The following NRG4 variants were observed in gnomAD, a reference collection of about 807,000 sequenced individuals.
NRG4 encodes neuregulin 4, also known as pro-neuregulin-4, membrane-bound isoform.
Under a neutral mutation model 15.0 loss-of-function variants are expected in NRG4, and 10 were observed. The observed-to-expected ratio is 0.67, with a 90% CI of 0.41 to 1.13. The LOEUF (loss-of-function observed/expected upper bound fraction) is 1.13, where lower values mean the gene tolerates loss of function less well. NRG4 is among the 50% of genes most tolerant of loss of function. The pLI is 0.00. For missense variants in NRG4, 139 were observed against 140.2 expected (o/e 0.99, Z 0.04); for synonymous variants, 41 against 50.1 (o/e 0.82, Z 0.77).
At chr15:75,964,482 G>C (rs1226338501) in intron 3 of NRG4, among the ~76,000 whole-genome samples, 1 of 152,078 alleles carries the variant, frequency 6.6e-6, no homozygotes, top group African/African-American at 2.4e-5. Context: ...GTTAAAGATA[G>C]GGTTCAGTTT....
At chr15:75,959,190 G>A (rs9672952) in intron 4 of NRG4, 15,197 of 341,968 alleles carry the variant, frequency 0.044, 467 homozygotes, top group African/African-American at 0.097. Flanking sequence ...GTCTTGCTAT[G>A]TTGTCCAGGC....
At chr15:76,025,426 G>A (rs767332841) in intron 5 of NRG4, among the ~76,000 whole-genome samples, 4 of 151,960 alleles carry the variant, frequency 2.6e-5, no homozygotes, top group South Asian at 2.1e-4. Context: ...GTGACAGAGC[G>A]AGACTCTGTC....
At position 75,977,776 on chromosome 15, in the gene NRG4, T is replaced by C. The variant is rs2033432869; in HGVS notation, c.105-15802A>G. ...TCCTATTTGGCCATCTTATCACTTC[T>C]TTCTTTTGGGAACATTCCCAATCTT... On this transcript the variant is annotated intron_variant, in intron 3 of 5. Coordinates refer to ENST00000394907, the MANE Select transcript of NRG4 (RefSeq NM_138573.4). The surrounding 1 kb of genome is among the most constrained non-coding windows in gnomAD (Gnocchi z 4.9). 6.6e-6 allele frequency among the ~76,000 whole-genome samples: 1 copy of C among 152,176 alleles called. No homozygotes were observed. Among genetic ancestry groups the C allele is most frequent in the Non-Finnish European group, 1.5e-5 (1 of 68,024 alleles).
Position 76,025,180 on chromosome 15 carries a change from C to A in NRG4, c.-57+10764G>T, listed in dbSNP as rs542403023. 2.6e-5 allele frequency among the ~76,000 whole-genome samples: 4 copies of A among 151,900 alleles called. No individual in the cohort carries two copies. In the South Asian group the frequency reaches 6.2e-4, roughly 24 times the overall value. On this transcript the variant is annotated intron_variant, in intron 5 of 8. Coordinates refer to the NRG4 transcript ENST00000563910. ...AGGGGCTGGGCGTGGTGGCTCACAC[C>A]TGTAATCCCAGCACTTTGGGAGGCT... is the stretch of plus-strand genomic sequence containing the variant.
intron 3 of NRG4, among the ~76,000 whole-genome samples, chr15:76,008,894 T>C (rs1435792574): frequency 6.6e-6 from 1 of 152,176 alleles, no homozygotes; most frequent in Non-Finnish European, 1.5e-5. Flanking sequence ...ATATTAAGCA[T>C]AGACTGCCTT....
At chr15:76,031,430 A>C (rs2035468856) in intron 5 of NRG4, among the ~76,000 whole-genome samples, 1 of 152,190 alleles carries the variant, frequency 6.6e-6, no homozygotes, top group Non-Finnish European at 1.5e-5. Context: ...GCTCATGCCT[A>C]TAATCCCAGC....
At chr15:75,937,166 A>C (rs996669210), downstream of NRG4, 3 of 151,518 alleles carry the variant, frequency 2.0e-5, no homozygotes, top group African/African-American at 7.3e-5. Context: ...ATCAGCAAAA[A>C]TGGGTGGACT....
intron 4 of NRG4, among the ~76,000 whole-genome samples, chr15:76,048,686 A>G (rs566152958): frequency 4.0e-5 from 6 of 150,690 alleles, no homozygotes; most frequent in Admixed American, 2.0e-4. Context: ...TGCCTCTCAT[A>G]CATACCTGGG....
chr15:75,991,381 A>G (rs1172912133), intron 3 of NRG4, among the ~76,000 whole-genome samples: 4 of 152,192 alleles, frequency 2.6e-5, no homozygotes, highest in African/African-American at 9.7e-5. Context: ...TAAAACTACT[A>G]CTAACATCAT....
At chr15:76,060,211 C>T (rs937447731), upstream of NRG4, among the ~76,000 whole-genome samples, 10 of 152,104 alleles carry the variant, frequency 6.6e-5, no homozygotes, top group Admixed American at 1.3e-4. Context: ...CCCAGGGCTT[C>T]AGCTCCAGCC....
intron 2 of NRG4, among the ~76,000 whole-genome samples, chr15:76,056,425 T>G (rs1357647080): frequency 6.6e-6 from 1 of 151,890 alleles, no homozygotes; most frequent in African/African-American, 2.4e-5. Flanking sequence ...GCCATTGCAC[T>G]CCAGCCTGGA....
chr15:75,947,435 C>T, intron 5 of NRG4, among the ~76,000 whole-genome samples: 1 of 152,202 alleles, frequency 6.6e-6, no homozygotes, highest in East Asian at 1.9e-4. Context: ...CCTGAATCCT[C>T]TCTCAGGGTG....
intron 3 of NRG4, among the ~76,000 whole-genome samples, chr15:75,994,074 C>T (rs1358670902): frequency 6.6e-6 from 1 of 152,102 alleles, no homozygotes; most frequent in African/African-American, 2.4e-5. Flanking sequence ...GAATTCTAAC[C>T]CAGACCTTAC....
Position 75,961,952 on chromosome 15 carries a change from C to A in NRG4, c.127G>T (p.Ala43Ser). Residue 43 changes from alanine to serine, a missense_variant, in exon 4 of 6, where the codon GCT becomes TCT. By Grantham distance (99) the Ala-to-Ser change is moderately conservative. Transcript: ENST00000394907. ...GGGAGAAAAACCTCTTCACAACGAG[C>A]TCCTGTATAGTTTTCAACGCACCTA... ...FCRCVENYTGARCEEVFLPGS... is the reference protein window; with the variant it reads ...FCRCVENYTGSRCEEVFLPGS... 3 of 1,613,334 alleles carry A rather than the reference C, an allele frequency of 1.9e-6. No homozygotes were observed. The highest frequency in any genetic ancestry group is 2.5e-6 in the Non-Finnish European group (3 of 1,179,430).
upstream of NRG4, among the ~76,000 whole-genome samples, chr15:76,013,800 CAT>C (rs1008667315): frequency 1.3e-5 from 2 of 152,282 alleles, no homozygotes; most frequent in East Asian, 1.9e-4. Flanking sequence ...CCGCAATAAA[CAT>C]ATGTGTGCAT....
intron 5 of NRG4, among the ~76,000 whole-genome samples, chr15:76,033,792 C>T (rs1307329486): frequency 5.3e-5 from 8 of 152,206 alleles, no homozygotes; most frequent in Non-Finnish European, 1.0e-4. Context: ...GGGGTTACCC[C>T]AGCCCTGTCT....
chr15:75,944,853 A>C (rs1401201736), intron 5 of NRG4, among the ~76,000 whole-genome samples: 4 of 152,140 alleles, frequency 2.6e-5, no homozygotes, highest in African/African-American at 9.7e-5. Context: ...CAAATGAACT[A>C]ATTTTGTCAG....
rs887375849 is a variant in NRG4 at position 75,943,361 on chromosome 15, G to C, written c.*277C>G. Reference sequence around the variant, plus strand: ...GGTGTGTGAACATTTGCCTCTGGTTGCTTCAGCACATCAGCTTTCTGGGGA... The same window carrying C: ...GGTGTGTGAACATTTGCCTCTGGTTCCTTCAGCACATCAGCTTTCTGGGGA... On this transcript the variant is annotated 3_prime_UTR_variant, in exon 6 of 6. Coordinates refer to ENST00000394907, the MANE Select transcript of NRG4 (RefSeq NM_138573.4). The C allele has an allele frequency of 4.9e-6, 2 of 408,466 alleles. No homozygotes were observed. Among genetic ancestry groups the C allele is most frequent in the Middle Eastern group, 6.4e-4 (1 of 1,558 alleles). 25.3% of individuals were successfully genotyped at this position (408,466 alleles called of 1,614,324 possible).
upstream of NRG4, among the ~76,000 whole-genome samples, chr15:76,017,155 CTTTTTTTTTTTT>C (rs66838505): frequency 1.9e-5 from 1 of 52,300 alleles, no homozygotes; most frequent in Non-Finnish European, 4.0e-5. Context: ...CAACCCCTGC[CTTTTTTTTTTTT>C]TTTTTTTTTT....
Sources: gnomAD v4.1 joint callset for allele counts (sites outside exome capture counted in the v4.1 genomes callset) on GRCh38, gnomAD v4.1.1 for gene constraint, Gnocchi (gnomAD v3.1) non-coding constraint, MANE v1.5 for transcripts, NCBI Gene and HGNC (gene_info 2026-07-23, HGNC 2026-07-21) for gene names.